GDPD3: variants seen among roughly 807,000 people sequenced by gnomAD.
GDPD3 encodes the protein glycerophosphodiester phosphodiesterase domain containing 3.
In GDPD3, 40 loss-of-function variants were observed where a neutral mutation model predicts 43.7. The ratio of observed to expected loss-of-function variants is 0.91; its 90% CI spans 0.71 to 1.19. The LOEUF (loss-of-function observed/expected upper bound fraction) is 1.19, where lower values mean the gene tolerates loss of function less well. GDPD3 is among the 50% of genes most tolerant of loss of function. The pLI, the probability that GDPD3 is intolerant of heterozygous loss-of-function variation, is 0.00. For missense variants in GDPD3, 363 were observed against 415.8 expected (o/e 0.87, Z 1.11); for synonymous variants, 145 against 162.9 (o/e 0.89, Z 0.84).
Position 30,110,855 on chromosome 16 carries a change from T to C in GDPD3, c.707+533A>G, listed in dbSNP as rs1222658550. The C allele has an allele frequency of 1.3e-4, 4 of 31,572 alleles. No individual in the cohort carries two copies. In the African/African-American group the frequency reaches 1.9e-3, roughly 15 times the overall value. The allele number at this position is 31,572 out of a possible 1,614,324, so 2.0% of individuals were successfully genotyped here. A position where few individuals can be genotyped will look rare whatever the true frequency, so the allele number is the denominator to read the frequency against. ...CACTGCATTCCAGCCCGAGCAAGAC[T>C]GTCTCAAAAAAAAAAAAAAAATTGT... On this transcript the variant is annotated intron_variant, in intron 7 of 9. Transcript: ENST00000406256.
chr16:30,113,069 G>C lies in GDPD3; in HGVS notation c.140-5C>G, dbSNP rs1426443501. ...TCTCCAGCAGCTCTCCAGATCCTGT[G>C]GGGGGCACTGGAGTGGGCCTCTGGG... On this transcript the variant is annotated splice_region_variant and splice_polypyrimidine_tract_variant and intron_variant, in intron 1 of 9. Coordinates refer to ENST00000406256, the MANE Select transcript of GDPD3 (RefSeq NM_024307.3). This position sits in a 1 kb window ranked among gnomAD's most constrained non-coding sequence, Gnocchi z 5.9. 1.2e-6 allele frequency: 2 copies of C among 1,612,248 alleles called. No homozygotes were observed. Among genetic ancestry groups the C allele is most frequent in the Non-Finnish European group, 1.7e-6 (2 of 1,178,802 alleles).
At position 30,112,252 on chromosome 16, in the gene GDPD3, G is replaced by A. The variant is rs746823070; in HGVS notation, c.484-31C>T. The A allele has an allele frequency of 1.5e-5, 25 of 1,613,196 alleles. No individual in the cohort carries two copies. In the Middle Eastern group the frequency reaches 6.6e-4, roughly 43 times the overall value. On this transcript the variant is annotated intron_variant, in intron 5 of 9. Transcript: ENST00000406256. The surrounding 1 kb of genome is among the most constrained non-coding windows in gnomAD (Gnocchi z 5.4). ...AGGAGGAGAAGGAGGTGAAGGGAGA[G>A]CCAGGCCTCTCTCACGCCCCCGGTG...
chr16:30,106,681 A>ACTACCATGCC (rs1158368662), intron 9 of GDPD3, among the ~76,000 whole-genome samples: 8 of 151,914 alleles, frequency 5.3e-5, no homozygotes, highest in Non-Finnish European at 1.5e-5. Flanking sequence ...ACAGGCATGC[A>ACTACCATGCC]CTACCATGCC....
intron 8 of GDPD3, 24 bp downstream of exon 8, chr16:30,108,349 A>G (rs1367334447): frequency 6.2e-7 from 1 of 1,613,762 alleles, no homozygotes; most frequent in African/African-American, 1.3e-5. Flanking sequence ...GGGACACGCC[A>G]CCCAGCCATC....
At chr16:30,111,668 C>A in intron 6 of GDPD3, 147 bp from the exon 7 acceptor site, 1 of 844,040 alleles carries the variant, frequency 1.2e-6, no homozygotes. Context: ...TGTGGTGGCT[C>A]ACGCCTGTAA....
intron 9 of GDPD3, among the ~76,000 whole-genome samples, chr16:30,106,491 C>A (rs1567349803): frequency 6.6e-6 from 1 of 152,142 alleles, no homozygotes; most frequent in Non-Finnish European, 1.5e-5. Flanking sequence ...CCCTTCCCTG[C>A]CCGTTGAGTG....
intron 7 of GDPD3, among the ~76,000 whole-genome samples, chr16:30,109,540 T>C (rs972966655): frequency 2.0e-5 from 3 of 149,846 alleles, no homozygotes; most frequent in Non-Finnish European, 4.4e-5. Flanking sequence ...GGCGCGGTGG[T>C]TCACGCCTGT....
At chr16:30,107,706 G>A (rs758435557) in intron 9 of GDPD3, 29 of 152,972 alleles carry the variant, frequency 1.9e-4, no homozygotes, top group Non-Finnish European at 3.5e-4. Context: ...AAATATGTGC[G>A]TGGCCAGGCG....
intron 7 of GDPD3, among the ~76,000 whole-genome samples, chr16:30,109,395 G>A (rs1205781187): frequency 6.6e-6 from 1 of 152,166 alleles, no homozygotes; most frequent in Non-Finnish European, 1.5e-5. Flanking sequence ...TGTAGTCCCA[G>A]CCACTTGGGA....
At chr16:30,111,939 G>GA (rs1202286030) in intron 6 of GDPD3, 193 bp downstream of exon 6, 57 of 599,846 alleles carry the variant, frequency 9.5e-5, no homozygotes, top group Non-Finnish European at 1.5e-4. Context: ...TTTCAAAAAA[G>GA]AAAAAAAACA....
rs372620022 is a variant in GDPD3, at chr16:30,104,943, C to T, written c.886G>A (p.Val296Ile). 2.0e-5 allele frequency: 33 copies of T among 1,612,780 alleles called. No homozygotes were observed. Among genetic ancestry groups the T allele is most frequent in the Non-Finnish European group, 2.4e-5 (28 of 1,179,916 alleles). ...EAAFSVGATG[V>I]ITDYPTALRH... is the part of the protein sequence containing the mutation. ...AGGGCTGTGGGATAATCCGTTATGA[C>T]GCCAGTGGCTCCCACGCTGAAGGCT... is the stretch of plus-strand genomic sequence containing the variant. Residue 296 changes from valine to isoleucine, a missense_variant, in exon 10 of 10, where the codon GTC becomes ATC. Physicochemically the swap from Val to Ile is conservative, Grantham distance 29. Coordinates refer to ENST00000406256, the MANE Select transcript of GDPD3 (RefSeq NM_024307.3).
chr16:30,112,119 T>C lies in GDPD3; in HGVS notation c.573+13A>G, dbSNP rs749353944. 6 of 1,549,098 alleles carry C rather than the reference T, an allele frequency of 3.9e-6. No individual in the cohort carries two copies. The East Asian group carries it at 9.6e-5, about 25-fold the overall frequency. On this transcript the variant is annotated intron_variant, in intron 6 of 9. Coordinates refer to ENST00000406256, the MANE Select transcript of GDPD3 (RefSeq NM_024307.3). The surrounding 1 kb of genome is among the most constrained non-coding windows in gnomAD (Gnocchi z 5.4). ...GAGGAGGAAGAGGACGGGGGAGGGG[T>C]GGGGGGACTCACGGCAGCCTTGCAT... is the stretch of plus-strand genomic sequence containing the variant.
chr16:30,112,823 G>T lies in GDPD3; in HGVS notation c.183-30C>A. 1 of 1,603,000 alleles carries T rather than the reference G, an allele frequency of 6.2e-7. No individual in the cohort carries two copies. The highest frequency in any genetic ancestry group is 8.5e-7 in the Non-Finnish European group (1 of 1,178,166). On this transcript the variant is annotated intron_variant, in intron 2 of 9. Transcript: ENST00000406256. The surrounding 1 kb of genome is among the most constrained non-coding windows in gnomAD (Gnocchi z 5.4). The stretch of plus-strand genomic sequence containing the variant: ...GGGGGTGAAGGTCAGCGGGGGGCAG[G>T]GGCAGGGGACTGGGATGAGGGGCAT...
At position 30,113,483 on chromosome 16, in the gene GDPD3, G is replaced by A. The variant is rs762652921; in HGVS notation, c.-5C>T. 10 of 1,544,806 alleles carry A rather than the reference G, an allele frequency of 6.5e-6. No individual in the cohort carries two copies. The highest frequency in any genetic ancestry group is 1.4e-5 in the African/African-American group (1 of 72,902). ...ATAGTACAGCAAAAGGCTCATGACC[G>A]TACTCCCACAGAAGCTCCTGCAGCC... is the stretch of plus-strand genomic sequence containing the variant. On this transcript the variant is annotated 5_prime_UTR_variant, in exon 1 of 10. In the 5' UTR this introduces an upstream ATG that the reference lacks. Coordinates refer to ENST00000406256, the MANE Select transcript of GDPD3 (RefSeq NM_024307.3). This position sits in a 1 kb window ranked among gnomAD's most constrained non-coding sequence, Gnocchi z 5.9.
chr16:30,108,245 G>C lies in GDPD3; in HGVS notation c.787C>G (p.Leu263Val). The C allele has an allele frequency of 1.2e-6, 2 of 1,610,836 alleles. No individual in the cohort carries two copies. Among genetic ancestry groups the C allele is most frequent in the Non-Finnish European group, 1.7e-6 (2 of 1,178,206 alleles). The part of the protein sequence containing the change: ...VSKWLIMRKS[L>V]IRHLEERGVQ... The stretch of plus-strand genomic sequence containing the variant: ...CCTCGCTCCTCCAAGTGTCGGATCA[G>C]ACTCTTCCTCATGATCAGCCTGGGG... Residue 263 changes from leucine to valine, a missense_variant, in exon 9 of 10, where the codon CTG becomes GTG. By Grantham distance (32) the Leu-to-Val change is conservative. Transcript: ENST00000406256.
rs762008078 is a variant in GDPD3, at chr16:30,111,352, T to C, written c.707+36A>G. The C allele has an allele frequency of 3.1e-6, 5 of 1,608,394 alleles. No individual in the cohort carries two copies. In the Admixed American group the frequency reaches 8.4e-5, roughly 27 times the overall value. On this transcript the variant is annotated intron_variant, in intron 7 of 9. Coordinates refer to ENST00000406256, the MANE Select transcript of GDPD3 (RefSeq NM_024307.3). ...CCTTCTCCACGGAGACCCTAAGCAG[T>C]GGGGAGTTTTTCTGAGGTCCGCCCC... is the stretch of plus-strand genomic sequence containing the variant.
chr16:30,113,290 C>T lies in GDPD3; in HGVS notation c.139+50G>A. 1 of 1,545,686 alleles carries T rather than the reference C, an allele frequency of 6.5e-7. No individual in the cohort carries two copies. Among genetic ancestry groups the T allele is most frequent in the Non-Finnish European group, 8.7e-7 (1 of 1,143,772 alleles). Reference sequence around the variant, plus strand: ...TTCTAGCATGCCCCCTTGGACCTACCCCTCTGTGCTGTCCACTTTGGCACC... The same window carrying T: ...TTCTAGCATGCCCCCTTGGACCTACTCCTCTGTGCTGTCCACTTTGGCACC... On this transcript the variant is annotated intron_variant, in intron 1 of 9. Transcript: ENST00000406256. The surrounding 1 kb of genome is among the most constrained non-coding windows in gnomAD (Gnocchi z 5.9).
intron 7 of GDPD3, among the ~76,000 whole-genome samples, chr16:30,108,772 G>A (rs1392248579): frequency 6.6e-6 from 1 of 152,110 alleles, no homozygotes; most frequent in Admixed American, 6.6e-5. Context: ...CAGGCTGCAG[G>A]CCCTCCTGGT....
In GDPD3 at chr16:30,108,252, C is replaced by G; in HGVS notation, c.780G>C (p.Arg260Ser). 1 of 1,611,264 alleles carries G rather than the reference C, an allele frequency of 6.2e-7. No individual in the cohort carries two copies. Among genetic ancestry groups the G allele is most frequent in the South Asian group, 1.1e-5 (1 of 90,728 alleles). Residue 260 changes from arginine to serine, a missense_variant, in exon 9 of 10, where the codon AGG (arginine) becomes AGC (serine). Transcript: ENST00000406256. ...LAVVSKWLIM[R>S]KSLIRHLEER... Reference sequence around the variant, plus strand: ...CCTCCAAGTGTCGGATCAGACTCTTCCTCATGATCAGCCTGGGGGTGGGGT... The same window carrying G: ...CCTCCAAGTGTCGGATCAGACTCTTGCTCATGATCAGCCTGGGGGTGGGGT...
Sources: gnomAD v4.1 joint callset for allele counts (sites outside exome capture counted in the v4.1 genomes callset) on GRCh38, gnomAD v4.1.1 for gene constraint, Gnocchi (gnomAD v3.1) non-coding constraint, MANE v1.5 for transcripts, NCBI Gene and HGNC (gene_info 2026-07-23, HGNC 2026-07-21) for gene names.